NRG3: variants seen among roughly 807,000 people sequenced by gnomAD.
The protein encoded by NRG3 is pro-neuregulin-3, membrane-bound isoform.
A neutral mutation model predicts 66.9 loss-of-function variants in NRG3; 31 were observed. The observed-to-expected ratio is 0.46, with a 90% confidence interval of 0.35 to 0.63. The LOEUF is 0.63. NRG3 is among the 20% of genes least tolerant of loss of function. The pLI is 0.00. For missense variants in NRG3, 910 were observed against 878.9 expected (o/e 1.04, Z -0.45); for synonymous variants, 393 against 359.4 (o/e 1.09, Z -1.06).
At chr10:82,054,209 C>T (rs1281622127) in intron 1 of NRG3, among the ~76,000 whole-genome samples, 1 of 152,106 alleles carries the variant, frequency 6.6e-6, no homozygotes, top group East Asian at 1.9e-4. Flanking sequence ...TGAAAATAGA[C>T]TGTGGTGCAG....
At chr10:82,025,895 T>G (rs543218331) in intron 1 of NRG3, among the ~76,000 whole-genome samples, 1 of 152,172 alleles carries the variant, frequency 6.6e-6, no homozygotes, top group South Asian at 2.1e-4. Flanking sequence ...CCTTGAAAAC[T>G]TTCCTCTTTG....
intron 1 of NRG3, among the ~76,000 whole-genome samples, chr10:82,216,340 G>T (rs530080941): frequency 4.6e-5 from 7 of 151,950 alleles, no homozygotes; most frequent in African/African-American, 1.7e-4. Flanking sequence ...AGGAAAAGGA[G>T]CACTTAGAAA....
intron 1 of NRG3, among the ~76,000 whole-genome samples, chr10:82,290,299 G>A (rs1424889402): frequency 6.6e-6 from 1 of 152,114 alleles, no homozygotes; most frequent in East Asian, 1.9e-4. Context: ...TAAAATTTCA[G>A]CAATAACAGT....
At chr10:82,736,407 CTTTG>C (rs1395692737) in intron 2 of NRG3, among the ~76,000 whole-genome samples, 1 of 152,218 alleles carries the variant, frequency 6.6e-6, no homozygotes, top group African/African-American at 2.4e-5. Flanking sequence ...GGAAATTTTA[CTTTG>C]TTTTTCTTAA....
intron 2 of NRG3, among the ~76,000 whole-genome samples, chr10:82,571,789 A>G (rs1276532662): frequency 6.6e-6 from 1 of 151,722 alleles, no homozygotes; most frequent in Non-Finnish European, 1.5e-5. Context: ...AAATATACAA[A>G]AAGCCCATGG....
At chr10:82,758,609 A>T (rs941922920) in intron 3 of NRG3, among the ~76,000 whole-genome samples, 1 of 152,098 alleles carries the variant, frequency 6.6e-6, no homozygotes, top group African/African-American at 2.4e-5. Flanking sequence ...TTTAGCAGGA[A>T]GAAATCTAGT....
At chr10:82,351,899 C>T (rs762448312) in intron 1 of NRG3, among the ~76,000 whole-genome samples, 1 of 152,214 alleles carries the variant, frequency 6.6e-6, no homozygotes, top group African/African-American at 2.4e-5. Context: ...CTACCGTCCT[C>T]CAGCATATTG....
At chr10:82,095,119 G>C (rs185825863) in intron 1 of NRG3, among the ~76,000 whole-genome samples, 13 of 152,190 alleles carry the variant, frequency 8.5e-5, no homozygotes, top group African/African-American at 2.9e-4. Context: ...AAATTTGGAT[G>C]CTTTTGGGAA....
intron 2 of NRG3, among the ~76,000 whole-genome samples, chr10:82,648,473 T>G (rs2051138453): frequency 6.6e-6 from 1 of 152,222 alleles, no homozygotes; most frequent in East Asian, 1.9e-4. Flanking sequence ...GGCTTAGGAT[T>G]AACTTGGTGT....
intron 2 of NRG3, among the ~76,000 whole-genome samples, chr10:82,547,355 A>G (rs1048676905): frequency 5.5e-4 from 84 of 151,632 alleles, no homozygotes; most frequent in African/African-American, 1.9e-3. Context: ...ATACACACAT[A>G]TGTACAAATA....
intron 1 of NRG3, chr10:81,878,109 C>T (rs1289753452): frequency 6.6e-7 from 1 of 1,514,250 alleles, no homozygotes; most frequent in Non-Finnish European, 8.8e-7. Flanking sequence ...ATTATTTCTA[C>T]CCCTCTATGC....
At chr10:82,298,559 T>C (rs942967335) in intron 1 of NRG3, among the ~76,000 whole-genome samples, 1 of 152,160 alleles carries the variant, frequency 6.6e-6, no homozygotes, top group African/African-American at 2.4e-5. Flanking sequence ...CAGTTAACCA[T>C]CCATTGAGAT....
At chr10:82,917,239 C>T (rs1483351671) in intron 4 of NRG3, among the ~76,000 whole-genome samples, 1 of 152,164 alleles carries the variant, frequency 6.6e-6, no homozygotes, top group Non-Finnish European at 1.5e-5. Context: ...AATATCATGC[C>T]AGAGTGGCTG....
intron 1 of NRG3, among the ~76,000 whole-genome samples, chr10:81,902,207 C>T (rs1844144997): frequency 2.0e-5 from 3 of 152,088 alleles, no homozygotes; most frequent in Admixed American, 2.0e-4. Context: ...CAGCTGAATT[C>T]CTGAGCTCAA....
intron 1 of NRG3, among the ~76,000 whole-genome samples, chr10:82,221,248 A>T (rs1044647319): frequency 1.3e-5 from 2 of 151,480 alleles, no homozygotes; most frequent in African/African-American, 4.9e-5. Context: ...AAAAAAAAAA[A>T]TTGGCAAGAC....
intron 1 of NRG3, among the ~76,000 whole-genome samples, chr10:82,252,051 A>T (rs1175505015): frequency 6.6e-6 from 1 of 152,104 alleles, no homozygotes; most frequent in Non-Finnish European, 1.5e-5. Context: ...GAGAAGCAAG[A>T]CTCAGAGACT....
intron 2 of NRG3, among the ~76,000 whole-genome samples, chr10:82,521,104 C>A (rs1846134607): frequency 6.6e-6 from 1 of 152,172 alleles, no homozygotes; most frequent in South Asian, 2.1e-4. Context: ...GAAAGTCACA[C>A]TCTTTTGATT....
intron 4 of NRG3, among the ~76,000 whole-genome samples, chr10:82,929,496 G>A (rs1847342192): frequency 6.6e-6 from 1 of 152,142 alleles, no homozygotes; most frequent in African/African-American, 2.4e-5. Flanking sequence ...TTCCAACTAT[G>A]AGCTACTAAG....
At chr10:82,776,054 A>T (rs1324891148) in intron 3 of NRG3, among the ~76,000 whole-genome samples, 1 of 152,168 alleles carries the variant, frequency 6.6e-6, no homozygotes, top group South Asian at 2.1e-4. Context: ...TATTTCCATT[A>T]TAGTAATTAT....
Sources: allele counts gnomAD v4.1 joint callset (sites outside exome capture counted in the v4.1 genomes callset), GRCh38; gene constraint gnomAD v4.1.1; transcripts MANE v1.5; gene names NCBI Gene and HGNC (gene_info 2026-07-23, HGNC 2026-07-21).